The following SUCLG2 variants were observed in gnomAD, a reference collection of about 807,000 sequenced individuals.
SUCLG2 encodes the protein succinate-CoA ligase GDP-forming subunit beta, also known as succinate--CoA ligase [GDP-forming] subunit beta, mitochondrial.
A neutral mutation model predicts 47.9 loss-of-function variants in SUCLG2; 42 were observed. The ratio of observed to expected loss-of-function variants is 0.88; its 90% CI spans 0.69 to 1.14. The LOEUF is 1.14. Among genes scored for constraint, SUCLG2 ranks in the 50% most tolerant of loss-of-function variants. The probability of loss-of-function intolerance (pLI) is 0.00; values close to 1 mark genes in which losing one functional copy is unlikely to be tolerated. For synonymous variants in SUCLG2, 195 were observed against 197.3 expected, an observed-to-expected ratio of 0.99 and a Z score of 0.10; for missense variants, 571 against 525.9, an observed-to-expected ratio of 1.09 and a Z score of -0.84.
At chr3:67,620,583 T>C (rs1575822399) in intron 1 of SUCLG2, among the ~76,000 whole-genome samples, 1 of 21,666 alleles carries the variant, frequency 4.6e-5, no homozygotes, top group African/African-American at 3.1e-4. Flanking sequence ...AGACTCCATC[T>C]CAAAAAAAAA....
chr3:67,443,047 T>C (rs534671075), intron 9 of SUCLG2, among the ~76,000 whole-genome samples: 1 of 152,206 alleles, frequency 6.6e-6, no homozygotes, highest in Non-Finnish European at 1.5e-5. Flanking sequence ...ACAGACTTTC[T>C]TTGGTCATAC....
intron 2 of SUCLG2, among the ~76,000 whole-genome samples, chr3:67,534,683 T>C (rs913818399): frequency 6.3e-5 from 9 of 143,132 alleles, no homozygotes; most frequent in Non-Finnish European, 1.0e-4. Context: ...TTAATACTAG[T>C]AAGCCAATCT....
chr3:67,416,798 T>C (rs1703048645), intron 9 of SUCLG2, among the ~76,000 whole-genome samples: 2 of 152,208 alleles, frequency 1.3e-5, no homozygotes, highest in African/African-American at 4.8e-5. Flanking sequence ...AAAGTTCTGA[T>C]TGTGTTCCTT....
chr3:67,551,808 T>C (rs1707021627), intron 2 of SUCLG2, among the ~76,000 whole-genome samples: 1 of 152,138 alleles, frequency 6.6e-6, no homozygotes, highest in Non-Finnish European at 1.5e-5. Context: ...CAAAGGACAT[T>C]ACAAACCTCA....
chr3:67,640,562 T>C (rs1404970338), intron 1 of SUCLG2, among the ~76,000 whole-genome samples: 1 of 152,160 alleles, frequency 6.6e-6, no homozygotes, highest in East Asian at 1.9e-4. Context: ...TATAGATTTT[T>C]TACTCTCTTA....
At chr3:67,651,116 C>T (rs796186299) in intron 1 of SUCLG2, among the ~76,000 whole-genome samples, 2 of 152,286 alleles carry the variant, frequency 1.3e-5, no homozygotes, top group African/African-American at 4.8e-5. Context: ...ATTCACTGAA[C>T]ACCACTCTGC....
At chr3:67,435,241 C>T (rs1022230273) in intron 9 of SUCLG2, among the ~76,000 whole-genome samples, 3 of 152,110 alleles carry the variant, frequency 2.0e-5, no homozygotes, top group Admixed American at 6.6e-5. Flanking sequence ...AAACAATATG[C>T]TTTCAGGATC....
intron 2 of SUCLG2, among the ~76,000 whole-genome samples, chr3:67,542,600 T>C (rs1706748906): frequency 6.6e-6 from 1 of 151,798 alleles, no homozygotes; most frequent in Non-Finnish European, 1.5e-5. Flanking sequence ...CACGTGCAAA[T>C]AGGCTCAAAA....
At chr3:67,514,075 C>G (rs1008560922) in intron 6 of SUCLG2, 1 of 340,422 alleles carries the variant, frequency 2.9e-6, no homozygotes, top group East Asian at 9.1e-5. Context: ...GCTGAAACAG[C>G]AGTACTTGCT....
chr3:67,648,498 A>T (rs998270857), intron 1 of SUCLG2, among the ~76,000 whole-genome samples: 1 of 152,196 alleles, frequency 6.6e-6, no homozygotes, highest in South Asian at 2.1e-4. Context: ...ATTTAACAGC[A>T]TAAGTCCTTT....
intron 9 of SUCLG2, among the ~76,000 whole-genome samples, chr3:67,463,017 G>A (rs1357451564): frequency 2.0e-5 from 3 of 152,204 alleles, no homozygotes; most frequent in Admixed American, 6.5e-5. Flanking sequence ...TACAGTTTGT[G>A]TTCTTCCATT....
At chr3:67,471,694 G>A (rs1483018376) in intron 9 of SUCLG2, among the ~76,000 whole-genome samples, 1 of 149,384 alleles carries the variant, frequency 6.7e-6, no homozygotes, top group Admixed American at 6.6e-5. Flanking sequence ...CCAGTTTTAG[G>A]GGAGAACCTT....
intron 9 of SUCLG2, among the ~76,000 whole-genome samples, chr3:67,463,813 G>C (rs996202709): frequency 1.3e-5 from 2 of 152,198 alleles, no homozygotes; most frequent in African/African-American, 4.8e-5. Flanking sequence ...TAAAGAGAAA[G>C]AAAGTGTCAT....
At chr3:67,423,522 C>A (rs947640284) in intron 9 of SUCLG2, among the ~76,000 whole-genome samples, 11 of 152,146 alleles carry the variant, frequency 7.2e-5, no homozygotes, top group Non-Finnish European at 1.6e-4. Context: ...CTCCTCCCAA[C>A]ATCCACCAAC....
chr3:67,476,381 G>A (rs1259135147), intron 9 of SUCLG2, among the ~76,000 whole-genome samples: 1 of 151,980 alleles, frequency 6.6e-6, no homozygotes, highest in Non-Finnish European at 1.5e-5. Context: ...TGCATGTGAG[G>A]GATCAAGGTT....
chr3:67,439,442 T>C (rs558039516), intron 9 of SUCLG2, among the ~76,000 whole-genome samples: 11 of 152,316 alleles, frequency 7.2e-5, no homozygotes, highest in African/African-American at 2.4e-4. Flanking sequence ...GGAAGTCAAA[T>C]TGTCTCTGTT....
chr3:67,615,444 A>T (rs1028014582), intron 1 of SUCLG2, among the ~76,000 whole-genome samples: 1 of 152,124 alleles, frequency 6.6e-6, no homozygotes, highest in Non-Finnish European at 1.5e-5. Context: ...CACTTGCTCC[A>T]GCCTTCTTCA....
chr3:67,566,182 C>T (rs1707449874), intron 2 of SUCLG2, among the ~76,000 whole-genome samples: 2 of 152,132 alleles, frequency 1.3e-5, no homozygotes, highest in Admixed American at 6.5e-5. Flanking sequence ...TTTCCGAATA[C>T]GGTGAACATT....
At chr3:67,450,801 T>A (rs540473250) in intron 9 of SUCLG2, among the ~76,000 whole-genome samples, 1 of 152,318 alleles carries the variant, frequency 6.6e-6, no homozygotes, top group South Asian at 2.1e-4. Context: ...CCAGAAGGCT[T>A]GCTACTGTAT....
Sources: gnomAD v4.1 joint callset for allele counts (sites outside exome capture counted in the v4.1 genomes callset) on GRCh38, gnomAD v4.1.1 for gene constraint, MANE v1.5 for transcripts, NCBI Gene and HGNC (gene_info 2026-07-23, HGNC 2026-07-21) for gene names.